Variants in TLCD4 observed in about 807,000 individuals in gnomAD.
The protein encoded by TLCD4 is TLC domain containing 4.
A neutral mutation model predicts 24.2 loss-of-function variants in TLCD4; 7 were observed. That is an observed-to-expected ratio of 0.29 (90% CI 0.16 to 0.54). The LOEUF (loss-of-function observed/expected upper bound fraction) is 0.54. Ranked by LOEUF, TLCD4 falls within the 20% of genes least tolerant of loss-of-function variation. The pLI, the probability that TLCD4 is intolerant of heterozygous loss-of-function variation, is 0.95. For synonymous variants in TLCD4, 103 were observed against 106.4 expected, an observed-to-expected ratio of 0.97 and a Z score of 0.20; for missense variants, 259 against 313.9, an observed-to-expected ratio of 0.82 and a Z score of 1.32.
At chr1:95,108,511 A>G in the TLCD4 span, among the ~76,000 whole-genome samples, 1 of 151,986 alleles carries the variant, frequency 6.6e-6, no homozygotes, top group African/African-American at 2.4e-5. Context: ...TTTTCTAGAG[A>G]GGAGGTCTCA....
At chr1:95,097,751 C>CT in the TLCD4 span, among the ~76,000 whole-genome samples, 27,483 of 152,096 alleles carry the variant, frequency 0.18, 2,906 homozygotes, top group African/African-American at 0.29. Context: ...ATATGTTCCA[C>CT]TTAATAGAGT....
chr1:95,156,083 C>T (rs1293487241), intron 5 of TLCD4, among the ~76,000 whole-genome samples: 1 of 151,948 alleles, frequency 6.6e-6, no homozygotes, highest in African/African-American at 2.4e-5. Context: ...ATAATGTTTT[C>T]TAGGTCTGAT....
chr1:95,106,188 G>A, the TLCD4 span, among the ~76,000 whole-genome samples: 1 of 152,142 alleles, frequency 6.6e-6, no homozygotes, highest in Admixed American at 6.5e-5. Context: ...AAGAGGTAAA[G>A]TGAGTTTCTT....
chr1:95,163,028 C>T (rs1386624856), intron 5 of TLCD4, among the ~76,000 whole-genome samples: 2 of 152,072 alleles, frequency 1.3e-5, no homozygotes, highest in African/African-American at 4.8e-5. Context: ...CTCTGTATTT[C>T]CTGAATTTGA....
At position 95,160,729 on chromosome 1, in the gene TLCD4, C is replaced by T. The variant is rs986042853; in HGVS notation, c.399+9310C>T. Among the ~76,000 whole-genome samples, 5 of 152,244 alleles carry T rather than the reference C, an allele frequency of 3.3e-5. No homozygotes were observed. In the East Asian group the frequency reaches 9.6e-4, roughly 29 times the overall value. The stretch of plus-strand genomic sequence containing the variant: ...TCGCATGAAGGCTGTTGAATTTTGT[C>T]GAAGGCCTTTTCTGCATCTATTGAG... On this transcript the variant is annotated intron_variant, in intron 5 of 6. Coordinates refer to ENST00000370203, the MANE Select transcript of TLCD4 (RefSeq NM_152487.3).
upstream of TLCD4, among the ~76,000 whole-genome samples, chr1:95,115,831 T>C (rs753957366): frequency 2.0e-5 from 3 of 152,000 alleles, no homozygotes; most frequent in East Asian, 1.9e-4. Flanking sequence ...CTGTAGGAGG[T>C]AGTGTTGATA....
intron 5 of TLCD4, among the ~76,000 whole-genome samples, chr1:95,169,573 G>A (rs1481635627): frequency 6.6e-6 from 1 of 152,052 alleles, no homozygotes; most frequent in Non-Finnish European, 1.5e-5. Flanking sequence ...CAGTATGAAA[G>A]GAGTTGGAAA....
intron 2 of TLCD4, among the ~76,000 whole-genome samples, chr1:95,145,953 T>C (rs958779742): frequency 1.3e-5 from 2 of 152,184 alleles, no homozygotes. Flanking sequence ...TGCTCCTGCT[T>C]CTCACTCCAG....
rs200870597 is a variant in TLCD4, at chr1:95,143,900, A to G, written c.-2A>G. ...TCATTTATCTTAACAGGTTGAAGAAATATGGAGATCAACACAAAACTGCTC... is the reference window on the plus strand; with the variant it reads ...TCATTTATCTTAACAGGTTGAAGAAGTATGGAGATCAACACAAAACTGCTC... On this transcript the variant is annotated 5_prime_UTR_variant, in exon 2 of 7. Coordinates refer to ENST00000370203, the MANE Select transcript of TLCD4 (RefSeq NM_152487.3). The G allele has an allele frequency of 7.7e-5, 109 of 1,416,848 alleles. No homozygotes were observed. The highest frequency in any genetic ancestry group is 9.2e-5 in the Non-Finnish European group (99 of 1,079,926). 87.8% of individuals were successfully genotyped at this position (1,416,848 alleles called of 1,614,324 possible). A position where few individuals can be genotyped will look rare whatever the true frequency, so the allele number is the denominator to read the frequency against.
intron 5 of TLCD4, among the ~76,000 whole-genome samples, chr1:95,166,897 T>TAA (rs200733255): frequency 6.6e-6 from 1 of 150,774 alleles, no homozygotes; most frequent in African/African-American, 2.4e-5. Context: ...CCTGGCTAAT[T>TAA]AAAAAAAAAA....
intron 1 of TLCD4, among the ~76,000 whole-genome samples, chr1:95,130,981 C>A (rs1179244711): frequency 1.3e-5 from 2 of 151,954 alleles, no homozygotes; most frequent in African/African-American, 4.8e-5. Context: ...TTGTGATTAC[C>A]CTGGTAAAAC....
At chr1:95,165,467 G>GTTT (rs992782348) in intron 5 of TLCD4, among the ~76,000 whole-genome samples, 1 of 107,104 alleles carries the variant, frequency 9.3e-6, no homozygotes, top group African/African-American at 5.1e-5. Flanking sequence ...GTGTGTGTGT[G>GTTT]TTTTTTTTTT....
In TLCD4 at chr1:95,148,815, T is replaced by C. The variant is rs192338501; in HGVS notation, c.245+24T>C. On this transcript the variant is annotated intron_variant, in intron 3 of 6. Coordinates refer to ENST00000370203, the MANE Select transcript of TLCD4 (RefSeq NM_152487.3). Reference sequence around the variant, plus strand: ...TGGTAAGCTGTTTCTTTTTCTAAGATTGCCAATTTCATTTATGTTTTGATA... The same window carrying C: ...TGGTAAGCTGTTTCTTTTTCTAAGACTGCCAATTTCATTTATGTTTTGATA... The C allele has an allele frequency of 1.7e-5, 28 of 1,603,946 alleles. No homozygotes were observed. In the Admixed American group the frequency reaches 3.5e-4, roughly 20 times the overall value.
Position 95,191,925 on chromosome 1 carries a change from G to C in TLCD4, c.*57G>C. On this transcript the variant is annotated 3_prime_UTR_variant, in exon 7 of 7. Coordinates refer to ENST00000370203, the MANE Select transcript of TLCD4 (RefSeq NM_152487.3). ...TACCCAGCATATCTGCTGATAGGATGAATTCTTGGCATGTTCTTGTGTACC... is the reference window on the plus strand; with the variant it reads ...TACCCAGCATATCTGCTGATAGGATCAATTCTTGGCATGTTCTTGTGTACC... 1 of 1,549,932 alleles carries C rather than the reference G, an allele frequency of 6.5e-7. No individual in the cohort carries two copies. Among genetic ancestry groups the C allele is most frequent in the Non-Finnish European group, 8.7e-7 (1 of 1,153,134 alleles).
chr1:95,144,944 C>T (rs1411237336), intron 2 of TLCD4, among the ~76,000 whole-genome samples: 2 of 152,024 alleles, frequency 1.3e-5, no homozygotes, highest in Admixed American at 6.6e-5. Flanking sequence ...ACCCACCTTG[C>T]CCTCCCAAAG....
chr1:95,152,463 G>A (rs978471757), intron 5 of TLCD4, among the ~76,000 whole-genome samples: 27 of 152,006 alleles, frequency 1.8e-4, no homozygotes, highest in African/African-American at 6.5e-4. Context: ...GCTGTTTGCA[G>A]TAAGCTTTTT....
At chr1:95,130,665 A>G (rs1363960661) in intron 1 of TLCD4, among the ~76,000 whole-genome samples, 1 of 152,250 alleles carries the variant, frequency 6.6e-6, no homozygotes, top group Admixed American at 6.5e-5. Flanking sequence ...GCTTATTTAC[A>G]AATGACTTAG....
chr1:95,135,636 G>A (rs968471039), intron 1 of TLCD4, among the ~76,000 whole-genome samples: 3 of 151,990 alleles, frequency 2.0e-5, no homozygotes, highest in African/African-American at 7.2e-5. Flanking sequence ...GACCTCAAGT[G>A]ATCCACCCGC....
intron 5 of TLCD4, among the ~76,000 whole-genome samples, chr1:95,152,874 A>G (rs1677530925): frequency 6.6e-6 from 1 of 152,012 alleles, no homozygotes; most frequent in African/African-American, 2.4e-5. Flanking sequence ...TTAAGGACAA[A>G]CTACCATCCT....
Sources: gnomAD v4.1 joint callset for allele counts (sites outside exome capture counted in the v4.1 genomes callset) on GRCh38, gnomAD v4.1.1 for gene constraint, MANE v1.5 for transcripts, NCBI Gene and HGNC (gene_info 2026-07-23, HGNC 2026-07-21) for gene names.